The following POU6F2 variants were observed in gnomAD, a reference collection of about 807,000 sequenced individuals.
POU6F2 encodes POU domain, class 6, transcription factor 2.
POU6F2 carries 31 observed loss-of-function variants against 71.3 expected under a neutral mutation model. That is an observed-to-expected ratio of 0.43 (90% CI 0.33 to 0.59). The LOEUF is 0.59. POU6F2 is among the 20% of genes least tolerant of loss of function. The pLI is 0.04. For missense variants in POU6F2, 783 were observed against 856.8 expected (o/e 0.91, Z 1.07); for synonymous variants, 347 against 355.7 (o/e 0.98, Z 0.27).
chr7:39,412,611 G>A (rs921257203), intron 6 of POU6F2, among the ~76,000 whole-genome samples: 5 of 151,996 alleles, frequency 3.3e-5, no homozygotes, highest in African/African-American at 1.2e-4. Flanking sequence ...GCCAAAGCCA[G>A]TTGATCAGGA....
At chr7:39,014,454 GT>G (rs771792317) in intron 1 of POU6F2, among the ~76,000 whole-genome samples, 2 of 152,172 alleles carry the variant, frequency 1.3e-5, no homozygotes, top group Non-Finnish European at 2.9e-5. Context: ...CATGTTAGAT[GT>G]TGTTTAGCAA....
At chr7:38,996,143 G>A (rs927873287) in intron 1 of POU6F2, among the ~76,000 whole-genome samples, 2 of 148,778 alleles carry the variant, frequency 1.3e-5, no homozygotes, top group Non-Finnish European at 3.0e-5. Context: ...TGGTTCAAGC[G>A]ATTCTCCTGT....
intron 2 of POU6F2, among the ~76,000 whole-genome samples, chr7:39,170,052 C>A (rs1395695109): frequency 1.3e-5 from 2 of 152,084 alleles, no homozygotes; most frequent in Non-Finnish European, 2.9e-5. Context: ...CCTGTAATCC[C>A]AGCTACTCAG....
chr7:39,397,591 C>T (rs1024596794), intron 5 of POU6F2, among the ~76,000 whole-genome samples: 7 of 148,526 alleles, frequency 4.7e-5, no homozygotes, highest in Non-Finnish European at 5.9e-5. Flanking sequence ...CTCCCGGGCT[C>T]AAGTAATTCT....
intron 4 of POU6F2, among the ~76,000 whole-genome samples, chr7:39,255,128 T>A (rs1001724563): frequency 7.3e-4 from 111 of 152,310 alleles, no homozygotes; most frequent in African/African-American, 2.6e-3. Context: ...GAAAAGTTAG[T>A]TTGAAGCATT....
At chr7:39,136,054 A>T (rs982065421) in intron 2 of POU6F2, among the ~76,000 whole-genome samples, 19 of 152,226 alleles carry the variant, frequency 1.2e-4, no homozygotes, top group African/African-American at 3.9e-4. Context: ...CACCTATATG[A>T]AGAAAACCAC....
At chr7:39,161,667 G>A (rs530570772) in intron 2 of POU6F2, among the ~76,000 whole-genome samples, 184 of 152,254 alleles carry the variant, frequency 1.2e-3, no homozygotes, top group African/African-American at 4.2e-3. Flanking sequence ...CTTGGCTCAT[G>A]GCTCTATTGG....
chr7:39,242,314 G>A (rs921901471), intron 4 of POU6F2, among the ~76,000 whole-genome samples: 3 of 151,928 alleles, frequency 2.0e-5, no homozygotes, highest in Admixed American at 6.6e-5. Context: ...CAATCCCACC[G>A]GCAGGGTATG....
intron 2 of POU6F2, among the ~76,000 whole-genome samples, chr7:39,094,518 GTGAT>G (rs1791417551): frequency 6.6e-6 from 1 of 152,064 alleles, no homozygotes; most frequent in Non-Finnish European, 1.5e-5. Flanking sequence ...GGTAGAGTGA[GTGAT>G]TGGTGTACAA....
At chr7:39,449,636 C>T (rs1788609049) in intron 7 of POU6F2, among the ~76,000 whole-genome samples, 1 of 152,116 alleles carries the variant, frequency 6.6e-6, no homozygotes, top group Non-Finnish European at 1.5e-5. Flanking sequence ...AGACACACAG[C>T]CTTATTCATA....
chr7:39,061,325 T>C (rs1415375575), intron 1 of POU6F2, among the ~76,000 whole-genome samples: 1 of 152,176 alleles, frequency 6.6e-6, no homozygotes, highest in Non-Finnish European at 1.5e-5. Flanking sequence ...GGAAGGAGTA[T>C]TTTGATAGCC....
At chr7:39,415,367 T>C (rs1421655312) in intron 6 of POU6F2, among the ~76,000 whole-genome samples, 1 of 152,208 alleles carries the variant, frequency 6.6e-6, no homozygotes, top group Non-Finnish European at 1.5e-5. Context: ...TTCCTGGGAA[T>C]TGGGAAACGT....
intron 1 of POU6F2, among the ~76,000 whole-genome samples, chr7:39,004,825 G>T (rs1434599517): frequency 1.3e-5 from 2 of 152,152 alleles, no homozygotes; most frequent in Admixed American, 1.3e-4. Context: ...AGAGATCCTG[G>T]CATTTGTCTT....
intron 2 of POU6F2, among the ~76,000 whole-genome samples, chr7:39,179,518 CGCGCGCACAT>C (rs1045592022): frequency 2.0e-5 from 3 of 152,198 alleles, no homozygotes; most frequent in African/African-American, 7.2e-5. Flanking sequence ...TGAGACCGCA[CGCGCGCACAT>C]GCGCGCACAC....
intron 2 of POU6F2, among the ~76,000 whole-genome samples, chr7:39,167,413 C>T (rs916929063): frequency 1.3e-5 from 2 of 151,952 alleles, no homozygotes; most frequent in African/African-American, 4.8e-5. Flanking sequence ...GATTAATTTA[C>T]CTTTGGGTCA....
At chr7:39,024,746 G>A (rs1046625278) in intron 1 of POU6F2, among the ~76,000 whole-genome samples, 9 of 152,102 alleles carry the variant, frequency 5.9e-5, no homozygotes, top group Non-Finnish European at 1.5e-5. Context: ...GGCATTTTCT[G>A]CATCTATTGA....
At chr7:39,380,051 A>C (rs1786795669) in intron 5 of POU6F2, among the ~76,000 whole-genome samples, 6 of 152,224 alleles carry the variant, frequency 3.9e-5, no homozygotes, top group African/African-American at 1.4e-4. Flanking sequence ...TATTCATCCC[A>C]ACCCAATTGA....
intron 4 of POU6F2, among the ~76,000 whole-genome samples, chr7:39,237,944 T>C (rs1388439799): frequency 6.6e-6 from 1 of 152,150 alleles, no homozygotes; most frequent in East Asian, 1.9e-4. Flanking sequence ...ATTTCTCGTG[T>C]TGATGGAACT....
intron 6 of POU6F2, among the ~76,000 whole-genome samples, chr7:39,406,945 C>T (rs2074934): frequency 0.44 from 66,307 of 151,766 alleles, 14,858 homozygotes; most frequent in East Asian, 0.7. Context: ...CTCTAGATTG[C>T]CAAAGTTTTA....
Sources: gnomAD v4.1 joint callset for allele counts (sites outside exome capture counted in the v4.1 genomes callset) on GRCh38, gnomAD v4.1.1 for gene constraint, MANE v1.5 for transcripts, NCBI Gene and HGNC (gene_info 2026-07-23, HGNC 2026-07-21) for gene names.